Variants in NEK2 observed in about 807,000 individuals in gnomAD.
The protein encoded by NEK2 is NIMA related kinase 2.
In NEK2, 28 loss-of-function variants were observed where a neutral mutation model predicts 54.1. That is an observed-to-expected ratio of 0.52 (90% CI 0.38 to 0.71). NEK2 has a LOEUF of 0.71. Ranked by LOEUF, NEK2 falls within the 30% of genes least tolerant of loss-of-function variation. The pLI is 0.00. For synonymous variants in NEK2, 176 were observed against 193.1 expected (o/e 0.91, Z 0.73); for missense variants, 407 against 531.5 (o/e 0.77, Z 2.30).
intron 6 of NEK2, among the ~76,000 whole-genome samples, chr1:211,667,612 T>C (rs1655221413): frequency 6.6e-6 from 1 of 152,192 alleles, no homozygotes; most frequent in African/African-American, 2.4e-5. Context: ...AATCTCCTTC[T>C]TCTGGTTGAA....
chr1:211,673,685 G>A lies in NEK2; in HGVS notation c.353C>T (p.Thr118Ile). 1 of 1,614,120 alleles carries A rather than the reference G, an allele frequency of 6.2e-7. No individual in the cohort carries two copies. Among genetic ancestry groups the A allele is most frequent in the Non-Finnish European group, 8.5e-7 (1 of 1,180,004 alleles). Residue 118 changes from threonine (T) to isoleucine (I), a missense_variant, in exon 3 of 8, where the codon ACT (threonine) becomes ATT (isoleucine). Transcript: ENST00000366999. ...LDEEFVLRVM[T>I]QLTLALKECH... ...TTCCTTCAGGGCCAGAGTCAACTGAGTCATCACTCGAAGAACAAACTCTTC... is the reference window on the plus strand; with the variant it reads ...TTCCTTCAGGGCCAGAGTCAACTGAATCATCACTCGAAGAACAAACTCTTC...
chr1:211,675,067 C>T (rs1283920809), intron 1 of NEK2, among the ~76,000 whole-genome samples: 1 of 152,184 alleles, frequency 6.6e-6, no homozygotes, highest in Non-Finnish European at 1.5e-5. Context: ...CCTGAGAGGG[C>T]CACTCTTAGA....
chr1:211,659,161 T>C (rs1252036885), downstream of NEK2, among the ~76,000 whole-genome samples: 3 of 152,086 alleles, frequency 2.0e-5, no homozygotes, highest in East Asian at 1.9e-4. Flanking sequence ...ATGAATTATA[T>C]AGCATAGCAA....
Position 211,663,351 on chromosome 1 carries a change from T to C in NEK2, c.*75A>G. On this transcript the variant is annotated 3_prime_UTR_variant, in exon 8 of 8. Coordinates refer to ENST00000366999, the MANE Select transcript of NEK2 (RefSeq NM_002497.4). ...GCTCATGGAACCAAGTATTCAACACTACAGCATTTGAATATCAGTCTTTAA... is the reference window on the plus strand; with the variant it reads ...GCTCATGGAACCAAGTATTCAACACCACAGCATTTGAATATCAGTCTTTAA... The C allele has an allele frequency of 6.5e-7, 1 of 1,537,516 alleles. No individual in the cohort carries two copies. Among genetic ancestry groups the C allele is most frequent in the Non-Finnish European group, 8.8e-7 (1 of 1,138,124 alleles).
In NEK2 at chr1:211,670,176, A is replaced by C. The variant is rs891720267; in HGVS notation, c.765+105T>G. On this transcript the variant is annotated intron_variant, in intron 5 of 7. Coordinates refer to ENST00000366999, the MANE Select transcript of NEK2 (RefSeq NM_002497.4). ...ACACAGTAAATTTAGCTAAGAAAGT[A>C]TATTTAACGTTTCTTCAGTCTCCAT... 7 of 1,187,786 alleles carry C rather than the reference A, an allele frequency of 5.9e-6. No individual in the cohort carries two copies. The African/African-American group carries it at 1.1e-4, about 19-fold the overall frequency. The allele number at this position is 1,187,786 out of a possible 1,614,324, so 73.6% of individuals were successfully genotyped here. A position where few individuals can be genotyped will look rare whatever the true frequency, so the allele number is the denominator to read the frequency against.
In NEK2 at chr1:211,663,139, A is replaced by C; in HGVS notation, c.*287T>G. ...CATTATTTTTTCTCCCAAGATTTAG[A>C]ATGTCACATCTCATGTTCCTACTAG... On this transcript the variant is annotated 3_prime_UTR_variant, in exon 8 of 8. Coordinates refer to ENST00000366999, the MANE Select transcript of NEK2 (RefSeq NM_002497.4). The C allele has an allele frequency of 1.2e-5, 14 of 1,142,522 alleles. No homozygotes were observed. Among genetic ancestry groups the C allele is most frequent in the Non-Finnish European group, 1.4e-5 (13 of 929,358 alleles). 70.8% of individuals were successfully genotyped at this position (1,142,522 alleles called of 1,614,324 possible). A position where few individuals can be genotyped will look rare whatever the true frequency, so the allele number is the denominator to read the frequency against.
intron 1 of NEK2, among the ~76,000 whole-genome samples, chr1:211,674,877 C>G (rs1655528396): frequency 1.3e-5 from 2 of 152,188 alleles, no homozygotes; most frequent in Admixed American, 1.3e-4. Context: ...GATGAGACAC[C>G]TTGGTAAAGA....
Position 211,670,297 on chromosome 1 carries a change from C to T in NEK2, c.749G>A (p.Arg250Lys). Reference sequence around the variant, plus strand: ...CATCTTTACCTTTAAGTTTAACATCCTCGTAATAATTTCATTCAATTCATC... The same window carrying T: ...CATCTTTACCTTTAAGTTTAACATCTTCGTAATAATTTCATTCAATTCATC... ...YSDELNEIIT[R>K]MLNLKDYHRP... The change falls in exon 5 of 8, where the codon AGG becomes AAG. Residue 250 changes from arginine to lysine, a missense_variant. Physicochemically the swap from Arg to Lys is conservative, Grantham distance 26 (BLOSUM62 2). Transcript: ENST00000366999. 6.2e-7 allele frequency: 1 copy of T among 1,609,496 alleles called. No homozygotes were observed. The highest frequency in any genetic ancestry group is 8.5e-7 in the Non-Finnish European group (1 of 1,178,318).
At chr1:211,662,447 T>G (rs1331718054), downstream of NEK2, among the ~76,000 whole-genome samples, 1 of 152,224 alleles carries the variant, frequency 6.6e-6, no homozygotes, top group Non-Finnish European at 1.5e-5. The surrounding 1 kb of genome is among the most constrained non-coding windows in gnomAD (Gnocchi z 4.2). Flanking sequence ...TGTCAGCAGC[T>G]GTCCTGTGCA....
chr1:211,674,614 C>T (rs1655518401), intron 1 of NEK2, 101 bp from the exon 2 acceptor site: 1 of 840,950 alleles, frequency 1.2e-6, no homozygotes, highest in African/African-American at 1.7e-5. Context: ...TAATTATATC[C>T]TACAATCAAG....
At chr1:211,661,317 G>T (rs569274759), downstream of NEK2, 51 of 509,236 alleles carry the variant, frequency 1.0e-4, no homozygotes, top group Middle Eastern at 1.8e-3. Flanking sequence ...TGAAGTTTTT[G>T]TCATTGCTGT....
At chr1:211,664,346 G>A (rs536276107) in intron 7 of NEK2, among the ~76,000 whole-genome samples, 3 of 152,156 alleles carry the variant, frequency 2.0e-5, no homozygotes, top group African/African-American at 7.2e-5. Flanking sequence ...TTTATTTTTT[G>A]TGTTAAAGGA....
chr1:211,671,851 A>G (rs1462711760), intron 3 of NEK2, among the ~76,000 whole-genome samples: 1 of 152,248 alleles, frequency 6.6e-6, no homozygotes, highest in African/African-American at 2.4e-5. Flanking sequence ...AGTGTTTTAA[A>G]GTCCAACTGG....
intron 1 of NEK2, 72 bp from the exon 2 acceptor site, chr1:211,674,585 T>G: frequency 1.8e-6 from 2 of 1,129,072 alleles, no homozygotes; most frequent in Non-Finnish European, 2.5e-6. Flanking sequence ...TTCCAAGATT[T>G]AACAAATTAC....
chr1:211,664,786 T>A (rs1655125047), intron 7 of NEK2, among the ~76,000 whole-genome samples: 1 of 152,246 alleles, frequency 6.6e-6, no homozygotes, highest in African/African-American at 2.4e-5. Context: ...TACCTTTACA[T>A]TTGTAAGTCA....
At chr1:211,667,679 G>C (rs1284824895) in intron 6 of NEK2, among the ~76,000 whole-genome samples, 3 of 152,170 alleles carry the variant, frequency 2.0e-5, no homozygotes, top group Admixed American at 6.5e-5. Flanking sequence ...TAGTTCATAG[G>C]ATTAGTATTA....
downstream of NEK2, among the ~76,000 whole-genome samples, chr1:211,661,490 T>C (rs903085160): frequency 2.6e-5 from 4 of 152,246 alleles, no homozygotes; most frequent in African/African-American, 4.8e-5. Context: ...TCGAAAGCTA[T>C]TTTCTTCTGC....
downstream of NEK2, among the ~76,000 whole-genome samples, chr1:211,661,647 A>T (rs1171668277): frequency 6.6e-6 from 1 of 152,270 alleles, no homozygotes; most frequent in African/African-American, 2.4e-5. Flanking sequence ...AAATGAAAAC[A>T]TGCGATAGTT....
intron 3 of NEK2, among the ~76,000 whole-genome samples, chr1:211,673,133 G>T: frequency 6.6e-6 from 1 of 151,952 alleles, no homozygotes; most frequent in South Asian, 2.1e-4. Context: ...TTTTGGCTGG[G>T]CATGGTGGCT....
Sources: gnomAD v4.1 joint callset for allele counts (sites outside exome capture counted in the v4.1 genomes callset) on GRCh38, gnomAD v4.1.1 for gene constraint, Gnocchi (gnomAD v3.1) non-coding constraint, MANE v1.5 for transcripts, NCBI Gene and HGNC (gene_info 2026-07-23, HGNC 2026-07-21) for gene names.